Variants in MYO10 observed in about 807,000 individuals in gnomAD.
MYO10 encodes myosin X, also known as unconventional myosin-X.
In MYO10, 133 loss-of-function variants were observed where a neutral mutation model predicts 257.3. The ratio of observed to expected loss-of-function variants is 0.52; its 90% CI spans 0.45 to 0.60. The LOEUF is 0.60. Among genes scored for constraint, MYO10 ranks in the 20% least tolerant of loss-of-function variants. MYO10 has a pLI of 0.00. For missense variants in MYO10, 2,399 were observed against 2,635.7 expected (o/e 0.91, Z 1.97); for synonymous variants, 1,104 against 1,028.6 (o/e 1.07, Z -1.40).
At chr5:16,690,071 G>T (rs1041475840) in intron 27 of MYO10, among the ~76,000 whole-genome samples, 152 bp from the exon 28 acceptor site, 6 of 152,168 alleles carry the variant, frequency 3.9e-5, no homozygotes, top group African/African-American at 1.4e-4. Flanking sequence ...GCGAGTTCAG[G>T]ATTTGTGGGT....
chr5:16,702,273 G>A (rs1284322662), intron 24 of MYO10, among the ~76,000 whole-genome samples: 1 of 152,200 alleles, frequency 6.6e-6, no homozygotes, highest in African/African-American at 2.4e-5. Flanking sequence ...ACCAGTCTGT[G>A]GTATTTGGCT....
intron 1 of MYO10, among the ~76,000 whole-genome samples, chr5:16,889,241 A>G (rs1744976535): frequency 6.6e-6 from 1 of 151,174 alleles, no homozygotes; most frequent in African/African-American, 2.4e-5. Context: ...CCCCATCTCT[A>G]TTAAAAATAC....
chr5:16,682,322 A>AT (rs369109191), intron 30 of MYO10, among the ~76,000 whole-genome samples: 4 of 151,648 alleles, frequency 2.6e-5, no homozygotes, highest in African/African-American at 9.7e-5. Flanking sequence ...ATGAGGGAAA[A>AT]TTTTTTTTTG....
intron 17 of MYO10, among the ~76,000 whole-genome samples, chr5:16,761,007 T>A (rs902376606): frequency 6.6e-6 from 1 of 151,542 alleles, no homozygotes; most frequent in Non-Finnish European, 1.5e-5. Flanking sequence ...TTATTTATTT[T>A]GAGACAGAGT....
At chr5:16,729,611 AT>A (rs566619166) in intron 19 of MYO10, among the ~76,000 whole-genome samples, 208 of 151,790 alleles carry the variant, frequency 1.4e-3, no homozygotes, top group Non-Finnish European at 1.4e-3. Flanking sequence ...CACCCGGCTA[AT>A]TTTTTGTATT....
intron 3 of MYO10, among the ~76,000 whole-genome samples, chr5:16,812,125 G>A (rs998392732): frequency 6.6e-5 from 10 of 152,198 alleles, no homozygotes; most frequent in African/African-American, 1.9e-4. Flanking sequence ...TAGCCAAGAG[G>A]TTCAGGGTGG....
intron 1 of MYO10, among the ~76,000 whole-genome samples, chr5:16,912,804 A>ACG (rs1393467058): frequency 2.9e-4 from 30 of 103,730 alleles, no homozygotes; most frequent in African/African-American, 1.1e-3. Flanking sequence ...ACCACCCTGC[A>ACG]CACACACACA....
rs372364634 is a variant in MYO10, at chr5:16,763,476, A to G, written c.1494+5T>C. 1.9e-6 allele frequency: 3 copies of G among 1,606,318 alleles called. No individual in the cohort carries two copies. The highest frequency in any genetic ancestry group is 2.6e-6 in the Non-Finnish European group (3 of 1,172,930). On this transcript the variant is annotated splice_donor_5th_base_variant and intron_variant, in intron 14 of 40. Coordinates refer to ENST00000513610, the MANE Select transcript of MYO10 (RefSeq NM_012334.3). Reference sequence around the variant, plus strand: ...GACTGTAACCATTCTTCAAAAATACATTACCTTCTCAATCAAGTCCAGGCA... The same window carrying G: ...GACTGTAACCATTCTTCAAAAATACGTTACCTTCTCAATCAAGTCCAGGCA...
chr5:16,802,378 G>A (rs1167092842), intron 3 of MYO10, among the ~76,000 whole-genome samples: 1 of 152,064 alleles, frequency 6.6e-6, no homozygotes, highest in Non-Finnish European at 1.5e-5. Context: ...AAAAATAGGA[G>A]CCGGGTGCAG....
At chr5:16,898,409 T>C (rs1327232232) in intron 1 of MYO10, among the ~76,000 whole-genome samples, 1 of 131,358 alleles carries the variant, frequency 7.6e-6, no homozygotes, top group Non-Finnish European at 1.6e-5. Flanking sequence ...TCAAATTTCT[T>C]TCTCTTTTTT....
intron 19 of MYO10, 46 bp from the exon 20 acceptor site, chr5:16,711,291 G>C: frequency 6.4e-7 from 1 of 1,572,038 alleles, no homozygotes; most frequent in Non-Finnish European, 8.7e-7. Context: ...AGAAAAAATG[G>C]AATTCGATAA....
At chr5:16,929,251 C>A (rs1746230032) in intron 1 of MYO10, among the ~76,000 whole-genome samples, 1 of 152,156 alleles carries the variant, frequency 6.6e-6, no homozygotes, top group Non-Finnish European at 1.5e-5. Flanking sequence ...CTGCACCCGG[C>A]CAAATCAGTG....
chr5:16,826,727 G>A (rs1743012959), intron 2 of MYO10, among the ~76,000 whole-genome samples: 1 of 152,142 alleles, frequency 6.6e-6, no homozygotes, highest in African/African-American at 2.4e-5. Flanking sequence ...GGCTGGCCTC[G>A]TTTAGATTTT....
At chr5:16,857,166 C>A (rs1316314166) in intron 2 of MYO10, among the ~76,000 whole-genome samples, 1 of 152,170 alleles carries the variant, frequency 6.6e-6, no homozygotes, top group East Asian at 1.9e-4. Flanking sequence ...GGCTTGTCCT[C>A]ATTTTGCTGT....
At chr5:16,923,567 A>G (rs189106421) in intron 1 of MYO10, among the ~76,000 whole-genome samples, 39 of 150,782 alleles carry the variant, frequency 2.6e-4, no homozygotes, top group Admixed American at 2.2e-3. Context: ...GATCACAGGC[A>G]TGAGCCACCA....
intron 1 of MYO10, among the ~76,000 whole-genome samples, chr5:16,895,981 C>T (rs1745207419): frequency 6.6e-6 from 1 of 152,202 alleles, no homozygotes; most frequent in South Asian, 2.1e-4. Flanking sequence ...TGCTCCTCAA[C>T]CGGACTGCAG....
chr5:16,824,128 A>C (rs1215602931), intron 2 of MYO10, among the ~76,000 whole-genome samples: 2 of 152,172 alleles, frequency 1.3e-5, no homozygotes, highest in African/African-American at 4.8e-5. Context: ...CTTTTATTAC[A>C]AGTCATTAGG....
At chr5:16,857,543 T>A (rs912116470) in intron 2 of MYO10, among the ~76,000 whole-genome samples, 2 of 152,174 alleles carry the variant, frequency 1.3e-5, no homozygotes, top group Admixed American at 6.5e-5. Flanking sequence ...TTGTTAGAAA[T>A]GCACATTTGC....
rs1273383906 is a variant in MYO10, at chr5:16,662,657, G to C, written c.*4035C>G. 1 of 152,054 alleles carries C rather than the reference G, an allele frequency of 6.6e-6. No homozygotes were observed. The highest frequency in any genetic ancestry group is 2.4e-5 in the African/African-American group (1 of 41,368). 9.4% of individuals were successfully genotyped at this position (152,054 alleles called of 1,614,324 possible). A position where few individuals can be genotyped will look rare whatever the true frequency, so the allele number is the denominator to read the frequency against. ...TTACAGAGAACTTAGGTGGTGATAT[G>C]GTTTGGCTCTGTCCCCACCCAAATC... On this transcript the variant is annotated 3_prime_UTR_variant, in exon 41 of 41. Coordinates refer to ENST00000513610, the MANE Select transcript of MYO10 (RefSeq NM_012334.3).
Sources: allele counts gnomAD v4.1 joint callset (sites outside exome capture counted in the v4.1 genomes callset), GRCh38; gene constraint gnomAD v4.1.1; transcripts MANE v1.5; gene names NCBI Gene and HGNC (gene_info 2026-07-23, HGNC 2026-07-21).